The following TCF7L1 variants were observed in gnomAD, a reference collection of about 807,000 sequenced individuals.
TCF7L1 encodes transcription factor 7-like 1.
TCF7L1 carries 18 observed loss-of-function variants against 63.7 expected under a neutral mutation model. The ratio of observed to expected loss-of-function variants is 0.28; its 90% CI spans 0.20 to 0.42. The LOEUF (loss-of-function observed/expected upper bound fraction) is 0.42. Ranked by LOEUF, TCF7L1 falls within the 10% of genes least tolerant of loss-of-function variation. The probability of loss-of-function intolerance (pLI) is 1.00; values close to 1 mark genes in which losing one functional copy is unlikely to be tolerated. For synonymous variants in TCF7L1, 355 were observed against 340.9 expected (o/e 1.04, Z -0.46); for missense variants, 654 against 779.3 (o/e 0.84, Z 1.91).
chr2:85,265,766 G>GTTT lies in TCF7L1; in HGVS notation c.442-17719_442-17717dup, dbSNP rs75640097. ...AAGATTTGAATATAGACTTTACTGG[G>GTTT]TTTTTTTTTTTTGAGTGTTTTTATA... On this transcript the variant is annotated intron_variant, in intron 3 of 11. Coordinates refer to ENST00000282111, the MANE Select transcript of TCF7L1 (RefSeq NM_031283.3). Among the ~76,000 whole-genome samples the GTTT allele has an allele frequency of 9.1e-3, 1,315 of 143,770 alleles. 15 individuals are homozygous for GTTT. The highest frequency in any genetic ancestry group is 0.032 in the African/African-American group (1,259 of 39,530). 94.3% of individuals were successfully genotyped at this position (143,770 alleles called of 152,430 possible).
At chr2:85,279,970 A>T (rs115564397) in intron 3 of TCF7L1, among the ~76,000 whole-genome samples, 4 of 152,234 alleles carry the variant, frequency 2.6e-5, no homozygotes, top group African/African-American at 9.6e-5. Flanking sequence ...AAACAAGTAC[A>T]TGGTCAGACA....
intron 3 of TCF7L1, among the ~76,000 whole-genome samples, chr2:85,226,598 T>A (rs1194230210): frequency 6.6e-6 from 1 of 151,806 alleles, no homozygotes; most frequent in Non-Finnish European, 1.5e-5. Flanking sequence ...CTTTATTCTC[T>A]TAGTTCCCAT....
At chr2:85,157,263 A>T (rs1558618918) in intron 3 of TCF7L1, among the ~76,000 whole-genome samples, 2 of 152,170 alleles carry the variant, frequency 1.3e-5, no homozygotes, top group African/African-American at 2.4e-5. Context: ...GCTTCTCTGA[A>T]CAGTGCTTTT....
chr2:85,227,112 A>G (rs1679974216), intron 3 of TCF7L1, among the ~76,000 whole-genome samples: 1 of 152,172 alleles, frequency 6.6e-6, no homozygotes, highest in Non-Finnish European at 1.5e-5. Context: ...GTTGGTGCTT[A>G]ACAAATGTTC....
At chr2:85,217,812 T>C (rs906952635) in intron 3 of TCF7L1, among the ~76,000 whole-genome samples, 2 of 152,182 alleles carry the variant, frequency 1.3e-5, no homozygotes, top group African/African-American at 4.8e-5. Context: ...AATTGGAAAA[T>C]CTGACATGCC....
chr2:85,290,153 A>AT (rs1045278212), intron 4 of TCF7L1, among the ~76,000 whole-genome samples: 3 of 148,042 alleles, frequency 2.0e-5, no homozygotes, highest in Non-Finnish European at 4.5e-5. Context: ...TAATTTTTGT[A>AT]TTTTTTTAGT....
intron 3 of TCF7L1, among the ~76,000 whole-genome samples, chr2:85,164,539 C>T (rs958513320): frequency 1.3e-5 from 2 of 152,154 alleles, no homozygotes; most frequent in East Asian, 1.9e-4. Context: ...GTTCCATTCC[C>T]GTAGCTATTC....
chr2:85,188,000 G>T (rs1678962835), intron 3 of TCF7L1, among the ~76,000 whole-genome samples: 1 of 152,150 alleles, frequency 6.6e-6, no homozygotes, highest in South Asian at 2.1e-4. Flanking sequence ...CGAGCCTCAA[G>T]GAAATGATGC....
chr2:85,193,963 A>C (rs1274462153), intron 3 of TCF7L1, among the ~76,000 whole-genome samples: 1 of 150,992 alleles, frequency 6.6e-6, no homozygotes, highest in Non-Finnish European at 1.5e-5. Context: ...TAGTATTTAA[A>C]AGTTTAAAAA....
chr2:85,309,573 T>C lies in TCF7L1; in HGVS notation c.*111T>C. 8.7e-7 allele frequency: 1 copy of C among 1,144,608 alleles called. No homozygotes were observed. 70.9% of individuals were successfully genotyped at this position (1,144,608 alleles called of 1,614,324 possible). ...AATATTTGACCACTCTGGACTGTTCTGTAAAGTGGCTGGTAACAACAGCAC... is the reference window on the plus strand; with the variant it reads ...AATATTTGACCACTCTGGACTGTTCCGTAAAGTGGCTGGTAACAACAGCAC... On this transcript the variant is annotated 3_prime_UTR_variant, in exon 12 of 12. Coordinates refer to ENST00000282111, the MANE Select transcript of TCF7L1 (RefSeq NM_031283.3).
intron 3 of TCF7L1, among the ~76,000 whole-genome samples, chr2:85,148,359 G>A (rs1263072120): frequency 4.6e-5 from 7 of 152,132 alleles, no homozygotes; most frequent in Non-Finnish European, 7.4e-5. Flanking sequence ...CTACTAACAG[G>A]CCACCCCTTG....
intron 8 of TCF7L1, among the ~76,000 whole-genome samples, chr2:85,305,784 C>T (rs1259735559): frequency 6.6e-6 from 1 of 152,110 alleles, no homozygotes; most frequent in African/African-American, 2.4e-5. Flanking sequence ...GCACCAGGGT[C>T]CTTACCTTGC....
chr2:85,225,321 G>T (rs1232990022), intron 3 of TCF7L1, among the ~76,000 whole-genome samples: 4 of 152,014 alleles, frequency 2.6e-5, no homozygotes, highest in African/African-American at 9.7e-5. Context: ...AAGAAAGTCA[G>T]TGGTAGCTTG....
intron 3 of TCF7L1, among the ~76,000 whole-genome samples, chr2:85,197,967 C>A (rs903125881): frequency 1.3e-5 from 2 of 152,124 alleles, no homozygotes; most frequent in Non-Finnish European, 2.9e-5. Flanking sequence ...GAGGAGGGGT[C>A]CAGTGGGCTG....
chr2:85,255,359 A>G (rs1000078511), intron 3 of TCF7L1, among the ~76,000 whole-genome samples: 1 of 152,160 alleles, frequency 6.6e-6, no homozygotes, highest in South Asian at 2.1e-4. Context: ...CTGTCTCCCC[A>G]TTCCCTCCCC....
Position 85,133,954 on chromosome 2 carries a change from C to T in TCF7L1, c.249+21C>T, listed in dbSNP as rs575434189. 5 of 1,568,148 alleles carry T rather than the reference C, an allele frequency of 3.2e-6. No homozygotes were observed. Among genetic ancestry groups the T allele is most frequent in the Admixed American group, 3.6e-5 (2 of 55,430 alleles). The stretch of plus-strand genomic sequence containing the variant: ...CGGAGGTAAGGAAGCACCGCGGCCA[C>T]CCCCGGGGGATCCCGGCCCTGCGTC... On this transcript the variant is annotated intron_variant, in intron 1 of 11. Coordinates refer to ENST00000282111, the MANE Select transcript of TCF7L1 (RefSeq NM_031283.3). This position sits in a 1 kb window ranked among gnomAD's most constrained non-coding sequence, Gnocchi z 4.4.
At chr2:85,162,844 T>C (rs1294355717) in intron 3 of TCF7L1, among the ~76,000 whole-genome samples, 1 of 152,168 alleles carries the variant, frequency 6.6e-6, no homozygotes, top group East Asian at 1.9e-4. Context: ...ACAAGCTTAC[T>C]GAATTGATGT....
intron 3 of TCF7L1, among the ~76,000 whole-genome samples, chr2:85,269,598 A>T (rs917336689): frequency 6.6e-6 from 1 of 152,200 alleles, no homozygotes. Context: ...GTGAGCCACC[A>T]CACCCAGCCA....
chr2:85,246,218 T>C lies in TCF7L1; in HGVS notation c.442-37277T>C, dbSNP rs191750992. Among the ~76,000 whole-genome samples the C allele has an allele frequency of 1.5e-3, 225 of 152,322 alleles. 3 individuals carry two copies. The highest frequency in any genetic ancestry group is 2.6e-4 in the Non-Finnish European group (18 of 68,020). On this transcript the variant is annotated intron_variant, in intron 3 of 11. Transcript: ENST00000282111. ...GGGTGTAGTTTCCACTTGCAATTAC[T>C]CATAAGCTTCACAGGCTTAGTGGAA...
Sources: allele counts gnomAD v4.1 joint callset (sites outside exome capture counted in the v4.1 genomes callset), GRCh38; gene constraint gnomAD v4.1.1; non-coding constraint Gnocchi (gnomAD v3.1); transcripts MANE v1.5; gene names NCBI Gene and HGNC (gene_info 2026-07-23, HGNC 2026-07-21).